NFASC: variants seen among roughly 807,000 people sequenced by gnomAD.
NFASC encodes neurofascin homolog.
In NFASC, 43 loss-of-function variants were observed where a neutral mutation model predicts 147.5. That is an observed-to-expected ratio of 0.29 (90% CI 0.23 to 0.38). The LOEUF (loss-of-function observed/expected upper bound fraction) is 0.38, where lower values mean the gene tolerates loss of function less well. Among genes scored for constraint, NFASC ranks in the 10% least tolerant of loss-of-function variants. The pLI is 1.00. For synonymous variants in NFASC, 622 were observed against 665.5 expected (o/e 0.93, Z 1.01); for missense variants, 1,320 against 1,689.0 (o/e 0.78, Z 3.83).
At chr1:204,843,214 C>T (rs1345257416) in intron 1 of NFASC, among the ~76,000 whole-genome samples, 1 of 152,162 alleles carries the variant, frequency 6.6e-6, no homozygotes, top group Non-Finnish European at 1.5e-5. Flanking sequence ...GTGTTGGGGA[C>T]AGACCAATAT....
intron 23 of NFASC, 125 bp downstream of exon 23, chr1:204,988,931 C>T: frequency 1.1e-6 from 1 of 880,432 alleles, no homozygotes; most frequent in Non-Finnish European, 1.8e-6. Flanking sequence ...GTCCTCAAGC[C>T]CTCGGAAGGT....
chr1:204,863,294 T>C (rs1440414257), intron 1 of NFASC, among the ~76,000 whole-genome samples: 1 of 152,256 alleles, frequency 6.6e-6, no homozygotes, highest in Non-Finnish European at 1.5e-5. Context: ...TTCTGAAAAC[T>C]GTTTCATGTC....
chr1:204,848,672 C>G (rs1448113851), intron 1 of NFASC, among the ~76,000 whole-genome samples: 1 of 152,114 alleles, frequency 6.6e-6, no homozygotes, highest in Non-Finnish European at 1.5e-5. Flanking sequence ...GAATAGCAAC[C>G]GTTAATATTT....
At position 205,016,717 on chromosome 1, in the gene NFASC, A is replaced by C; in HGVS notation, c.*178A>C. The C allele has an allele frequency of 8.9e-6, 6 of 671,656 alleles. No individual in the cohort carries two copies. Among genetic ancestry groups the C allele is most frequent in the East Asian group, 2.8e-5 (1 of 35,220 alleles). The allele number at this position is 671,656 out of a possible 1,614,324, so 41.6% of individuals were successfully genotyped here. ...CAAGCCACCCACAAGCCCCCTCCCA[A>C]TGACCCCCCTTCAGCCCCGGGTGCC... is the stretch of plus-strand genomic sequence containing the variant. On this transcript the variant is annotated 3_prime_UTR_variant, in exon 30 of 30. Coordinates refer to ENST00000339876, the MANE Select transcript of NFASC (RefSeq NM_001005388.3). The surrounding 1 kb of genome is among the most constrained non-coding windows in gnomAD (Gnocchi z 5.1).
intron 1 of NFASC, among the ~76,000 whole-genome samples, chr1:204,851,104 A>G (rs984622815): frequency 6.6e-6 from 1 of 152,238 alleles, no homozygotes; most frequent in Non-Finnish European, 1.5e-5. Context: ...AATAAACACT[A>G]TCTACAACAA....
intron 1 of NFASC, among the ~76,000 whole-genome samples, chr1:204,895,152 C>T (rs769180719): frequency 1.3e-5 from 2 of 152,178 alleles, no homozygotes. Flanking sequence ...CACAAACTTT[C>T]CTCTCCATCC....
intron 1 of NFASC, among the ~76,000 whole-genome samples, chr1:204,864,388 A>T (rs2076951548): frequency 6.6e-6 from 1 of 152,202 alleles, no homozygotes; most frequent in Admixed American, 6.5e-5. Context: ...CCAGGAGTGA[A>T]ATTGCAGGGT....
chr1:204,984,321 T>TTA (rs1409855516), intron 21 of NFASC: 66 of 494,422 alleles, frequency 1.3e-4, no homozygotes, highest in East Asian at 5.9e-4. Context: ...GAAAAAAAAA[T>TTA]TATATATATA....
chr1:204,974,321 C>T (rs1558318674), intron 13 of NFASC, 31 bp downstream of exon 13: 1 of 1,516,836 alleles, frequency 6.6e-7, no homozygotes, highest in Non-Finnish European at 9.1e-7. Flanking sequence ...CCTTCCACAG[C>T]AGGGGTCACC....
intron 1 of NFASC, among the ~76,000 whole-genome samples, chr1:204,842,735 C>G (rs1571930758): frequency 6.6e-6 from 1 of 152,228 alleles, no homozygotes; most frequent in South Asian, 2.1e-4. Flanking sequence ...CAGCATGAAG[C>G]CTAGTGGGCT....
intron 1 of NFASC, among the ~76,000 whole-genome samples, chr1:204,858,271 ATGTG>A (rs1230143693): frequency 1.3e-5 from 2 of 152,028 alleles, no homozygotes; most frequent in Admixed American, 1.3e-4. Context: ...AGGCCTACCC[ATGTG>A]AGCTCCTTTT....
At chr1:205,005,011 T>C (rs2096074553) in intron 27 of NFASC, among the ~76,000 whole-genome samples, 1 of 152,040 alleles carries the variant, frequency 6.6e-6, no homozygotes, top group Non-Finnish European at 1.5e-5. Flanking sequence ...GGCAGGAGGA[T>C]GGTGGAAGCT....
chr1:204,941,965 G>C (rs2093390671), intron 2 of NFASC, among the ~76,000 whole-genome samples: 1 of 152,118 alleles, frequency 6.6e-6, no homozygotes, highest in Non-Finnish European at 1.5e-5. Context: ...GCACATGATG[G>C]TCCAAATGGC....
chr1:204,918,047 A>C (rs1358021949), intron 1 of NFASC, among the ~76,000 whole-genome samples: 1 of 152,134 alleles, frequency 6.6e-6, no homozygotes, highest in Non-Finnish European at 1.5e-5. Context: ...TTTTTACGCA[A>C]TCTCATTAAT....
chr1:204,972,576 G>A (rs2095292438), intron 11 of NFASC, among the ~76,000 whole-genome samples: 1 of 152,184 alleles, frequency 6.6e-6, no homozygotes, highest in Admixed American at 6.5e-5. Context: ...CTGTGGGCAA[G>A]AATATCCTCT....
At chr1:205,007,900 T>C (rs1418668217) in intron 27 of NFASC, among the ~76,000 whole-genome samples, 2 of 152,118 alleles carry the variant, frequency 1.3e-5, no homozygotes, top group African/African-American at 4.8e-5. Flanking sequence ...GATTCAGTCC[T>C]ACGTGGGGGG....
chr1:204,884,421 T>G (rs2080912632), intron 1 of NFASC, among the ~76,000 whole-genome samples: 1 of 152,110 alleles, frequency 6.6e-6, no homozygotes, highest in South Asian at 2.1e-4. Context: ...TCTTCTTCCC[T>G]GGCCCTGGAG....
chr1:204,953,017 T>C (rs1042124421), intron 5 of NFASC, among the ~76,000 whole-genome samples: 2 of 152,218 alleles, frequency 1.3e-5, no homozygotes, highest in Non-Finnish European at 2.9e-5. Flanking sequence ...GAAGGGTTAG[T>C]CAGGGTAATG....
rs1384774168 is a variant in NFASC, at chr1:204,963,564, T to C, written c.707-4685T>C. ...AGTCACTTAAACCAGTTTGTGACCA[T>C]TGATCAAACTATTATTGCAAGAGAA... On this transcript the variant is annotated intron_variant, in intron 8 of 29. Transcript: ENST00000339876. 2.6e-5 allele frequency among the ~76,000 whole-genome samples: 4 copies of C among 152,184 alleles called. 1 individual carries two copies. Among genetic ancestry groups the C allele is most frequent in the African/African-American group, 9.7e-5 (4 of 41,444 alleles).
Sources: gnomAD v4.1 joint callset for allele counts (sites outside exome capture counted in the v4.1 genomes callset) on GRCh38, gnomAD v4.1.1 for gene constraint, Gnocchi (gnomAD v3.1) non-coding constraint, MANE v1.5 for transcripts, NCBI Gene and HGNC (gene_info 2026-07-23, HGNC 2026-07-21) for gene names.